Variants in MRPL58 observed in about 807,000 individuals in gnomAD.
MRPL58 encodes the protein mitochondrial ribosomal protein L58, also known as large ribosomal subunit protein mL62.
A neutral mutation model predicts 26.0 loss-of-function variants in MRPL58; 17 were observed. The ratio of observed to expected loss-of-function variants is 0.65; its 90% CI spans 0.45 to 0.98. MRPL58 has a LOEUF of 0.98. MRPL58 is among the 50% of genes least tolerant of loss of function. The pLI is 0.00. For synonymous variants in MRPL58, 100 were observed against 99.7 expected (o/e 1.00, Z -0.02); for missense variants, 250 against 269.0 (o/e 0.93, Z 0.49).
chr17:75,012,994 G>C (rs1050626195), intron 1 of MRPL58, 122 bp downstream of exon 1: 6 of 891,318 alleles, frequency 6.7e-6, no homozygotes, highest in Non-Finnish European at 8.5e-6. Flanking sequence ...GTCGCCGCGG[G>C]AGGGGGCTGG....
intron 1 of MRPL58, among the ~76,000 whole-genome samples, chr17:75,016,332 C>T (rs2039973815): frequency 6.6e-6 from 1 of 151,866 alleles, no homozygotes; most frequent in African/African-American, 2.4e-5. Flanking sequence ...AGGAGAATCA[C>T]TTGAACCCAA....
At chr17:75,018,779 A>C (rs566022292) in intron 2 of MRPL58, 25 of 152,204 alleles carry the variant, frequency 1.6e-4, no homozygotes, top group African/African-American at 5.8e-4. Context: ...TAAAGAAACA[A>C]TGAGCCTTTT....
At chr17:75,020,753 T>G in intron 5 of MRPL58, 96 bp downstream of exon 5, 1 of 1,370,338 alleles carries the variant, frequency 7.3e-7, no homozygotes, top group Non-Finnish European at 1.0e-6. Context: ...AGGCCGGCCT[T>G]GGGAGAAACT....
At position 75,012,709 on chromosome 17, in the gene MRPL58, G is replaced by C. The variant is rs3744206; in HGVS notation, c.23G>C (p.Arg8Pro). Residue 8 changes from arginine to proline, a missense_variant, in exon 1 of 6, where the codon CGC becomes CCC. Physicochemically the swap from Arg to Pro is moderately radical, Grantham distance 103. Coordinates refer to ENST00000301585, the MANE Select transcript of MRPL58 (RefSeq NM_001545.3). MAATRCL[R>P]WGLSRAGVWL... The stretch of plus-strand genomic sequence containing the variant: ...AGCATGGCGGCCACCAGGTGCCTGC[G>C]CTGGGGCCTGAGCCGAGCCGGAGTC... 2,863 of 1,564,446 alleles carry C rather than the reference G, an allele frequency of 1.8e-3. 60 individuals carry two copies. The East Asian group carries it at 0.051, about 28-fold the overall frequency.
At chr17:75,016,811 C>T (rs759813021) in intron 1 of MRPL58, among the ~76,000 whole-genome samples, 1 of 152,214 alleles carries the variant, frequency 6.6e-6, no homozygotes, top group African/African-American at 2.4e-5. Context: ...GGAGCCAGGC[C>T]TCTGATGGTG....
chr17:75,015,313 G>A (rs560626662), intron 1 of MRPL58, among the ~76,000 whole-genome samples: 3 of 152,216 alleles, frequency 2.0e-5, no homozygotes, highest in South Asian at 2.1e-4. Flanking sequence ...GCAAAACCCC[G>A]TCTCTACTAA....
At position 75,021,153 on chromosome 17, in the gene MRPL58, G is replaced by T; in HGVS notation, c.*148G>T. On this transcript the variant is annotated 3_prime_UTR_variant, in exon 6 of 6. Transcript: ENST00000301585. ...GGAGCCATCACAAGAATGTTCATTTGGAATGAAGGCTGCAGGCACTGGTTG... is the reference window on the plus strand; with the variant it reads ...GGAGCCATCACAAGAATGTTCATTTTGAATGAAGGCTGCAGGCACTGGTTG... The T allele has an allele frequency of 1.6e-6, 1 of 627,126 alleles. No individual in the cohort carries two copies. The highest frequency in any genetic ancestry group is 2.9e-6 in the Non-Finnish European group (1 of 346,578). The allele number at this position is 627,126 out of a possible 1,614,324, so 38.8% of individuals were successfully genotyped here.
chr17:75,021,121 T>C lies in MRPL58; in HGVS notation c.*116T>C. Reference sequence around the variant, plus strand: ...CTTTTTGGCTGTTAATGCTTGTCTATAACATTGGAGCCATCACAAGAATGT... The same window carrying C: ...CTTTTTGGCTGTTAATGCTTGTCTACAACATTGGAGCCATCACAAGAATGT... On this transcript the variant is annotated 3_prime_UTR_variant, in exon 6 of 6. Transcript: ENST00000301585. 3 of 696,928 alleles carry C rather than the reference T, an allele frequency of 4.3e-6. No individual in the cohort carries two copies. Among genetic ancestry groups the C allele is most frequent in the Non-Finnish European group, 7.7e-6 (3 of 390,374 alleles). 43.2% of individuals were successfully genotyped at this position (696,928 alleles called of 1,614,324 possible).
intron 1 of MRPL58, among the ~76,000 whole-genome samples, chr17:75,015,908 C>T (rs1044553931): frequency 2.7e-5 from 4 of 150,254 alleles, no homozygotes; most frequent in African/African-American, 9.7e-5. Context: ...CCTCAGCCTC[C>T]CCCAGTAGCT....
intron 3 of MRPL58, 199 bp from the exon 4 acceptor site, chr17:75,020,114 A>G (rs1038283059): frequency 2.0e-6 from 1 of 511,824 alleles, no homozygotes; most frequent in African/African-American, 2.1e-5. Flanking sequence ...CTGGGTGCTT[A>G]GTTACTGGAA....
At chr17:75,014,726 C>T (rs754094739) in intron 1 of MRPL58, among the ~76,000 whole-genome samples, 5 of 152,012 alleles carry the variant, frequency 3.3e-5, no homozygotes, top group East Asian at 1.9e-4. Context: ...GGATTACAGG[C>T]GTGAGCCACC....
In MRPL58 at chr17:75,021,191, T is replaced by C; in HGVS notation, c.*186T>C. On this transcript the variant is annotated 3_prime_UTR_variant, in exon 6 of 6. Coordinates refer to ENST00000301585, the MANE Select transcript of MRPL58 (RefSeq NM_001545.3). ...CAGGCACTGGTTGCAGACGTCTTTATAGGCAGTCACCATGTTGTCAAACCT... is the reference window on the plus strand; with the variant it reads ...CAGGCACTGGTTGCAGACGTCTTTACAGGCAGTCACCATGTTGTCAAACCT... 1.7e-6 allele frequency: 1 copy of C among 592,810 alleles called. No homozygotes were observed. 36.7% of individuals were successfully genotyped at this position (592,810 alleles called of 1,614,324 possible). A position where few individuals can be genotyped will look rare whatever the true frequency, so the allele number is the denominator to read the frequency against.
intron 1 of MRPL58, among the ~76,000 whole-genome samples, chr17:75,014,757 C>T (rs1483105106): frequency 2.6e-5 from 4 of 152,090 alleles, no homozygotes; most frequent in Admixed American, 6.6e-5. Flanking sequence ...AAGTCTGGGG[C>T]CTTGAGCAGT....
At chr17:75,016,971 G>A (rs1174584813) in intron 1 of MRPL58, 107 bp from the exon 2 acceptor site, 6 of 848,642 alleles carry the variant, frequency 7.1e-6, no homozygotes, top group Non-Finnish European at 1.2e-5. Context: ...AAATACTAAT[G>A]TACAATGTTT....
chr17:75,012,915 T>A, intron 1 of MRPL58, 43 bp downstream of exon 1: 1 of 1,565,284 alleles, frequency 6.4e-7, no homozygotes. Context: ...TTTGTCAGGC[T>A]GCTGGGTGAC....
At chr17:75,020,104 C>A in intron 3 of MRPL58, 2 of 516,852 alleles carry the variant, frequency 3.9e-6, no homozygotes, top group East Asian at 3.2e-5. Flanking sequence ...AAGAGAAGGA[C>A]TGGGTGCTTA....
chr17:75,014,887 A>G (rs1598665746), intron 1 of MRPL58, among the ~76,000 whole-genome samples: 1 of 152,252 alleles, frequency 6.6e-6, no homozygotes, highest in Non-Finnish European at 1.5e-5. Flanking sequence ...AGTCTAGCAT[A>G]TACAGCCATG....
chr17:75,019,406 A>AG (rs1193165172), intron 2 of MRPL58, among the ~76,000 whole-genome samples: 20 of 152,322 alleles, frequency 1.3e-4, no homozygotes, highest in South Asian at 4.1e-4. Flanking sequence ...TCACCATGGC[A>AG]GAACTGTTCC....
rs752387561 is a variant in MRPL58, at chr17:75,012,866, G to A, written c.180G>A (p.Arg60=). ...PESQGSDTAW[R]VPNGAKQADS... is the part of the protein sequence containing the mutation. ...CTCAGGGCTCGGACACCGCCTGGAGGGTCCCGGTGAGCCGGGAAGGACTGG... is the reference window on the plus strand; with the variant it reads ...CTCAGGGCTCGGACACCGCCTGGAGAGTCCCGGTGAGCCGGGAAGGACTGG... Residue 60 remains arginine (R), a synonymous_variant, in exon 1 of 6, where the codon AGG becomes AGA. Coordinates refer to ENST00000301585, the MANE Select transcript of MRPL58 (RefSeq NM_001545.3). 6.2e-7 allele frequency: 1 copy of A among 1,606,306 alleles called. No individual in the cohort carries two copies. The highest frequency in any genetic ancestry group is 1.7e-5 in the Admixed American group (1 of 59,008).
Sources: allele counts gnomAD v4.1 joint callset (sites outside exome capture counted in the v4.1 genomes callset), GRCh38; gene constraint gnomAD v4.1.1; transcripts MANE v1.5; gene names NCBI Gene and HGNC (gene_info 2026-07-23, HGNC 2026-07-21).